Variants in TRAPPC10 observed in about 807,000 individuals in gnomAD.
TRAPPC10 encodes trafficking protein particle complex subunit 10, also known as TRAPP 130 kDa subunit.
A neutral mutation model predicts 125.5 loss-of-function variants in TRAPPC10; 23 were observed. The ratio of observed to expected loss-of-function variants is 0.18; its 90% CI spans 0.13 to 0.26. TRAPPC10 has a LOEUF of 0.26. Ranked by LOEUF, TRAPPC10 falls within the 10% of genes least tolerant of loss-of-function variation. The pLI is 1.00. For synonymous variants in TRAPPC10, 509 were observed against 518.0 expected, an observed-to-expected ratio of 0.98 and a Z score of 0.24; for missense variants, 1,123 against 1,308.4, an observed-to-expected ratio of 0.86 and a Z score of 2.19.
At chr21:44,024,592 A>G (rs2032875123) in intron 1 of TRAPPC10, among the ~76,000 whole-genome samples, 1 of 152,232 alleles carries the variant, frequency 6.6e-6, no homozygotes, top group Non-Finnish European at 1.5e-5. Context: ...TAAGGAATGA[A>G]CAGTCAAATT....
intron 3 of TRAPPC10, among the ~76,000 whole-genome samples, chr21:44,048,742 C>T (rs931693315): frequency 6.6e-6 from 1 of 151,922 alleles, no homozygotes; most frequent in African/African-American, 2.4e-5. Flanking sequence ...GATCTGCCCA[C>T]CTCAGCCTCC....
Position 44,049,876 on chromosome 21 carries a change from T to TCC in TRAPPC10, c.286-2404_286-2403insCC, listed in dbSNP as rs1275959153. Among the ~76,000 whole-genome samples, 6 of 117,630 alleles carry TCC rather than the reference T, an allele frequency of 5.1e-5. No homozygotes were observed. The East Asian group carries it at 1.4e-3, about 27-fold the overall frequency. 77.2% of individuals were successfully genotyped at this position (117,630 alleles called of 152,430 possible). On this transcript the variant is annotated intron_variant, in intron 3 of 22. Transcript: ENST00000291574. ...CCTGTAGTGACTTTGTTTTCTTTCT[T>TCC]TCTTTTTTTTTTGTTTTTTTTGAGA...
At chr21:44,061,213 T>C (rs1168497500) in intron 6 of TRAPPC10, among the ~76,000 whole-genome samples, 4 of 152,206 alleles carry the variant, frequency 2.6e-5, no homozygotes, top group Admixed American at 1.3e-4. Flanking sequence ...CTCGGCTCAC[T>C]GCAACCTCCG....
At position 44,012,485 on chromosome 21, in the gene TRAPPC10, CGGACGCCCAT is replaced by C. The variant is rs1404106106; in HGVS notation, c.-1_9del. On this transcript the variant is annotated start_lost and 5_prime_UTR_variant, in exon 1 of 23. Coordinates refer to ENST00000291574, the MANE Select transcript of TRAPPC10 (RefSeq NM_003274.5). Reference sequence around the variant, plus strand: ...GCGCGGGGGGCCGGGCCGGTGACGCCGGACGCCCATGGACGCCTCTGAGGAGCCGCTGCCG... The same window carrying C: ...GCGCGGGGGGCCGGGCCGGTGACGCCGGACGCCTCTGAGGAGCCGCTGCCG... The C allele has an allele frequency of 7.4e-6, 11 of 1,479,216 alleles. No homozygotes were observed. The highest frequency in any genetic ancestry group is 9.0e-6 in the Non-Finnish European group (10 of 1,107,788). The allele number at this position is 1,479,216 out of a possible 1,614,324, so 91.6% of individuals were successfully genotyped here.
Position 44,087,911 on chromosome 21 carries a change from G to A in TRAPPC10, c.2752G>A (p.Val918Ile), listed in dbSNP as rs1293884939. 6.2e-7 allele frequency: 1 copy of A among 1,613,738 alleles called. No individual in the cohort carries two copies. Among genetic ancestry groups the A allele is most frequent in the East Asian group, 2.2e-5 (1 of 44,866 alleles). The change falls in exon 17 of 23, where the codon GTT (valine) becomes ATT (isoleucine). Residue 918 changes from valine (V) to isoleucine (I), a missense_variant. This residue lies in a region of TRAPPC10 where 840 missense variants were observed against 902.0 expected (regional missense o/e 0.93). Coordinates refer to ENST00000291574, the MANE Select transcript of TRAPPC10 (RefSeq NM_003274.5). The surrounding 1 kb of genome is among the most constrained non-coding windows in gnomAD (Gnocchi z 4.6). ...KDKQRTGRCM[V>I]TTDHKVSIDC... is the part of the protein sequence containing the mutation. ...CAAACAGAGAACTGGCCGCTGCATG[G>A]TTACCACAGACCACAAAGTGAGTAG...
chr21:44,043,723 C>T (rs2034577691), intron 3 of TRAPPC10, among the ~76,000 whole-genome samples: 1 of 152,114 alleles, frequency 6.6e-6, no homozygotes, highest in South Asian at 2.1e-4. Flanking sequence ...TCTGGGTGGG[C>T]CTCTGACTGT....
chr21:44,052,390 C>G lies in TRAPPC10; in HGVS notation c.396C>G (p.Ala132=). The G allele has an allele frequency of 1.9e-6, 3 of 1,613,020 alleles. No individual in the cohort carries two copies. The part of the protein sequence containing the change: ...DWLIVIVEND[A]KKKNKTNILP... ...TAATAGTGATAGTTGAAAATGATGC[C>G]AAGAAAAAAAACAAAACCAACATCC... Residue 132 remains alanine, a synonymous_variant, in exon 4 of 23, where the codon GCC becomes GCG. Transcript: ENST00000291574.
intron 5 of TRAPPC10, 122 bp from the exon 6 acceptor site, chr21:44,058,981 G>C (rs991682062): frequency 1.6e-6 from 1 of 632,592 alleles, no homozygotes; most frequent in Non-Finnish European, 2.7e-6. Context: ...GTTACTTAGC[G>C]GAGCGTAGAC....
intron 3 of TRAPPC10, among the ~76,000 whole-genome samples, chr21:44,047,762 C>T (rs2034958690): frequency 6.6e-6 from 1 of 152,108 alleles, no homozygotes; most frequent in Non-Finnish European, 1.5e-5. Context: ...AGGTTTTCAT[C>T]TCTAAAAGTT....
At chr21:44,046,654 G>A (rs937336399) in intron 3 of TRAPPC10, 2 of 239,516 alleles carry the variant, frequency 8.4e-6, no homozygotes, top group Non-Finnish European at 8.2e-6. Flanking sequence ...TGGGATTATA[G>A]GCAGCCACCA....
At chr21:44,028,698 C>T (rs529171653) in intron 1 of TRAPPC10, among the ~76,000 whole-genome samples, 3 of 152,140 alleles carry the variant, frequency 2.0e-5, no homozygotes, top group Non-Finnish European at 4.4e-5. Flanking sequence ...AAAAAGGAGA[C>T]CTTAGTTATT....
chr21:44,080,719 AG>A (rs1386835845), intron 13 of TRAPPC10, among the ~76,000 whole-genome samples: 1 of 151,876 alleles, frequency 6.6e-6, no homozygotes, highest in African/African-American at 2.4e-5. Context: ...TTGTATTTTT[AG>A]TAGAGACAGT....
intron 17 of TRAPPC10, 128 bp downstream of exon 17, chr21:44,088,056 GT>G: frequency 1.3e-6 from 1 of 791,644 alleles, no homozygotes; most frequent in Non-Finnish European, 2.0e-6. Context: ...CTGGGCATGT[GT>G]TTAGCAGTTC....
At chr21:44,058,738 CAG>C (rs1206516252) in intron 5 of TRAPPC10, among the ~76,000 whole-genome samples, 1 of 152,152 alleles carries the variant, frequency 6.6e-6, no homozygotes, top group Non-Finnish European at 1.5e-5. Context: ...CGGCCTCCAG[CAG>C]AGAGCCTCGG....
chr21:44,038,005 G>A lies in TRAPPC10; in HGVS notation c.285+78G>A, dbSNP rs546597313. ...TGGAGAGTGCTGTGTGAGTACCAGTGGGGGAAGAGGACGCGTGGTGGGGTG... is the reference window on the plus strand; with the variant it reads ...TGGAGAGTGCTGTGTGAGTACCAGTAGGGGAAGAGGACGCGTGGTGGGGTG... On this transcript the variant is annotated intron_variant, in intron 3 of 22. Transcript: ENST00000291574. 1.2e-4 allele frequency: 180 copies of A among 1,529,750 alleles called. No homozygotes were observed. The African/African-American group carries it at 1.3e-3, about 11-fold the overall frequency. The allele number at this position is 1,529,750 out of a possible 1,614,324, so 94.8% of individuals were successfully genotyped here.
At chr21:44,092,163 G>A (rs1438502618) in intron 19 of TRAPPC10, 114 bp downstream of exon 19, 2 of 1,359,696 alleles carry the variant, frequency 1.5e-6, no homozygotes, top group African/African-American at 2.9e-5. Context: ...CACTGCTGAT[G>A]AGTAAAGGCT....
chr21:44,015,826 C>G (rs186325580), intron 1 of TRAPPC10, among the ~76,000 whole-genome samples: 37 of 152,164 alleles, frequency 2.4e-4, no homozygotes, highest in Admixed American at 2.1e-3. Context: ...GTTGGCCAGG[C>G]AGGTCTAGAA....
At chr21:44,078,823 G>A (rs1345311894) in intron 11 of TRAPPC10, among the ~76,000 whole-genome samples, 3 of 152,200 alleles carry the variant, frequency 2.0e-5, no homozygotes, top group South Asian at 4.1e-4. Flanking sequence ...CACACCAGTA[G>A]TCCCAGCTAC....
chr21:44,094,166 C>T lies in TRAPPC10; in HGVS notation c.3101C>T (p.Ala1034Val). 6.2e-7 allele frequency: 1 copy of T among 1,614,160 alleles called. No individual in the cohort carries two copies. Among genetic ancestry groups the T allele is most frequent in the Non-Finnish European group, 8.5e-7 (1 of 1,180,020 alleles). The change falls in exon 20 of 23, where the codon GCT becomes GTT. Residue 1034 changes from alanine to valine, a missense_variant. By Grantham distance (64) the Ala-to-Val change is moderately conservative (BLOSUM62 0). Coordinates refer to ENST00000291574, the MANE Select transcript of TRAPPC10 (RefSeq NM_003274.5). Reference protein sequence around the residue: ...HCRFSVGFSPASEEQLSISLK... With the variant: ...HCRFSVGFSPVSEEQLSISLK... The stretch of plus-strand genomic sequence containing the variant: ...CGGTTCTCTGTTGGATTTTCCCCAG[C>T]TTCTGAGGAACAGCTGTCTATCTCC...
Sources: allele counts gnomAD v4.1 joint callset (sites outside exome capture counted in the v4.1 genomes callset), GRCh38; gene constraint gnomAD v4.1.1; regional missense constraint gnomAD v4.1.1; non-coding constraint Gnocchi (gnomAD v3.1); transcripts MANE v1.5; gene names NCBI Gene and HGNC (gene_info 2026-07-23, HGNC 2026-07-21).